Variants in TDRD12 observed in about 807,000 individuals in gnomAD.
TDRD12 encodes tudor domain containing 12, also known as putative ATP-dependent RNA helicase TDRD12.
TDRD12 carries 158 observed loss-of-function variants against 133.5 expected under a neutral mutation model. That is an observed-to-expected ratio of 1.18 (90% CI 1.04 to 1.35). TDRD12 has a LOEUF of 1.35. Ranked by LOEUF, TDRD12 falls within the 40% of genes most tolerant of loss-of-function variation. The probability of loss-of-function intolerance (pLI) is 0.00; values close to 1 mark genes in which losing one functional copy is unlikely to be tolerated. For missense variants in TDRD12, 1,443 were observed against 1,321.3 expected, an observed-to-expected ratio of 1.09 and a Z score of -1.43; for synonymous variants, 460 against 477.9, an observed-to-expected ratio of 0.96 and a Z score of 0.49.
At position 32,807,593 on chromosome 19, in the gene TDRD12, C is replaced by A. The variant is rs185610153; in HGVS notation, c.2597C>A (p.Thr866Lys). 3.6e-4 allele frequency: 558 copies of A among 1,535,152 alleles called. 1 individual carries two copies. The Middle Eastern group carries it at 7.5e-3, about 21-fold the overall frequency. Residue 866 changes from threonine (T) to lysine (K), a missense_variant, in exon 22 of 28, where the codon ACG becomes AAG. Transcript: ENST00000444215. ...GACCGACACCGTATTAATCCAGAAA[C>A]GGACTTGCCCAGGAAACTGTCCAGC...
intron 8 of TDRD12, among the ~76,000 whole-genome samples, chr19:32,758,921 G>A (rs1970072936): frequency 1.3e-5 from 2 of 151,982 alleles, no homozygotes; most frequent in African/African-American, 4.8e-5. Context: ...ATGACAGAGT[G>A]AGACTCTGTC....
intron 4 of TDRD12, among the ~76,000 whole-genome samples, chr19:32,745,500 C>T (rs1201062879): frequency 3.3e-5 from 5 of 152,136 alleles, no homozygotes; most frequent in African/African-American, 1.2e-4. Context: ...ACTGTTATTC[C>T]CACACAATAT....
chr19:32,728,662 T>G (rs1224860705), intron 1 of TDRD12, among the ~76,000 whole-genome samples: 2 of 149,936 alleles, frequency 1.3e-5, no homozygotes, highest in African/African-American at 4.9e-5. Flanking sequence ...TTTTTTTTTT[T>G]GTGACAGAGT....
At chr19:32,790,164 T>C (rs912573147) in intron 11 of TDRD12, among the ~76,000 whole-genome samples, 2 of 152,124 alleles carry the variant, frequency 1.3e-5, no homozygotes, top group Non-Finnish European at 2.9e-5. Context: ...CATGTTGGGG[T>C]TGGGCTGGAT....
chr19:32,796,408 A>G (rs886666583), intron 14 of TDRD12, among the ~76,000 whole-genome samples: 5 of 152,048 alleles, frequency 3.3e-5, no homozygotes, highest in Admixed American at 2.6e-4. Context: ...AACATGGTGA[A>G]ACCCTGTCTC....
At chr19:32,826,650 C>T (rs1026909849) in intron 9 of TDRD12, 33 bp from the exon 32 acceptor site, 1 of 1,231,776 alleles carries the variant, frequency 8.1e-7, no homozygotes, top group Non-Finnish European at 1.0e-6. Flanking sequence ...GTGTCATATT[C>T]ACGCGCTCAC....
intron 8 of TDRD12, among the ~76,000 whole-genome samples, chr19:32,765,302 T>G (rs1315885267): frequency 6.6e-6 from 1 of 152,208 alleles, no homozygotes; most frequent in Non-Finnish European, 1.5e-5. Context: ...GACTGTAAAC[T>G]AGTTCAACCA....
intron 11 of TDRD12, among the ~76,000 whole-genome samples, chr19:32,779,836 T>A (rs1970710121): frequency 1.3e-5 from 2 of 152,128 alleles, no homozygotes; most frequent in African/African-American, 4.8e-5. Flanking sequence ...CTGGTTAAGA[T>A]GTCCTGAGCA....
intron 3 of TDRD12, among the ~76,000 whole-genome samples, chr19:32,741,412 G>A (rs1476135349): frequency 6.6e-6 from 1 of 152,158 alleles, no homozygotes; most frequent in Admixed American, 6.5e-5. Flanking sequence ...AGAATTTCAT[G>A]GCATACGTGT....
intron 8 of TDRD12, among the ~76,000 whole-genome samples, chr19:32,770,451 A>G (rs1016817740): frequency 6.6e-6 from 1 of 152,028 alleles, no homozygotes; most frequent in African/African-American, 2.4e-5. Flanking sequence ...TAAATTTTAT[A>G]TATAGCTATA....
At position 32,731,888 on chromosome 19, in the gene TDRD12, G is replaced by A. The variant is rs1449831305; in HGVS notation, c.183+5G>A. 1 of 1,530,784 alleles carries A rather than the reference G, an allele frequency of 6.5e-7. No individual in the cohort carries two copies. The highest frequency in any genetic ancestry group is 8.8e-7 in the Non-Finnish European group (1 of 1,140,380). 94.8% of individuals were successfully genotyped at this position (1,530,784 alleles called of 1,614,324 possible). A position where few individuals can be genotyped will look rare whatever the true frequency, so the allele number is the denominator to read the frequency against. On this transcript the variant is annotated splice_donor_5th_base_variant and intron_variant, in intron 2 of 27. Coordinates refer to ENST00000444215, the Ensembl canonical transcript of TDRD12. ...TTAACATTGGAAGAAGGACAGGTAT[G>A]TATCTAAATGTTCTTTAATCACTGT...
intron 8 of TDRD12, among the ~76,000 whole-genome samples, chr19:32,770,617 G>A (rs758430320): frequency 2.0e-5 from 3 of 151,936 alleles, no homozygotes; most frequent in Non-Finnish European, 4.4e-5. Flanking sequence ...TTTCTTTCAA[G>A]TTCTTTGGAG....
chr19:32,763,175 T>G (rs1970199109), intron 8 of TDRD12, among the ~76,000 whole-genome samples: 1 of 152,212 alleles, frequency 6.6e-6, no homozygotes, highest in Non-Finnish European at 1.5e-5. Flanking sequence ...GCCATGTTTA[T>G]TACTGTATTT....
intron 6 of TDRD12, 26 bp from the exon 7 acceptor site, chr19:32,755,966 G>A: frequency 2.8e-6 from 4 of 1,421,798 alleles, no homozygotes; most frequent in Non-Finnish European, 3.7e-6. Flanking sequence ...TGTCTTATTA[G>A]TCATGAAATG....
At chr19:32,732,728 G>A (rs1969096956) in intron 2 of TDRD12, among the ~76,000 whole-genome samples, 1 of 152,194 alleles carries the variant, frequency 6.6e-6, no homozygotes, top group Non-Finnish European at 1.5e-5. Context: ...AGAAAAAGCA[G>A]AAATAATTTG....
chr19:32,735,227 A>G (rs1969189033), intron 2 of TDRD12, among the ~76,000 whole-genome samples: 1 of 152,210 alleles, frequency 6.6e-6, no homozygotes. Context: ...TGCAAAGGAA[A>G]AGTTCTTGAA....
chr19:32,738,819 A>G, intron 2 of TDRD12, 37 bp from the exon 3 acceptor site: 1 of 1,543,296 alleles, frequency 6.5e-7, no homozygotes, highest in Admixed American at 2.0e-5. Flanking sequence ...TCTCAAAAAA[A>G]TAAATAAATA....
chr19:32,742,854 C>A, exon 4 of TDRD12: 2 of 1,551,780 alleles, frequency 1.3e-6, no homozygotes, highest in Non-Finnish European at 1.7e-6. Context: ...CTGCACAAAG[C>A]CTGTCACATT....
intron 4 of TDRD12, among the ~76,000 whole-genome samples, chr19:32,744,563 G>T (rs151182596): frequency 6.8e-6 from 1 of 146,240 alleles, no homozygotes; most frequent in African/African-American, 2.5e-5. Context: ...ATACACAGAC[G>T]TAGAGGCATA....
Sources: allele counts gnomAD v4.1 joint callset (sites outside exome capture counted in the v4.1 genomes callset), GRCh38; gene constraint gnomAD v4.1.1; transcripts MANE v1.5; gene names NCBI Gene and HGNC (gene_info 2026-07-23, HGNC 2026-07-21).